ESRRB: variants seen among roughly 807,000 people sequenced by gnomAD.
ESRRB encodes steroid hormone receptor ERR2.
A neutral mutation model predicts 46.0 loss-of-function variants in ESRRB; 16 were observed. The ratio of observed to expected loss-of-function variants is 0.35; its 90% CI spans 0.24 to 0.53. The LOEUF is 0.53. Ranked by LOEUF, ESRRB falls within the 20% of genes least tolerant of loss-of-function variation. The probability of loss-of-function intolerance (pLI) is 0.93; values close to 1 mark genes in which losing one functional copy is unlikely to be tolerated. For synonymous variants in ESRRB, 246 were observed against 259.6 expected, an observed-to-expected ratio of 0.95 and a Z score of 0.50; for missense variants, 488 against 607.4, an observed-to-expected ratio of 0.80 and a Z score of 2.07.
At chr14:76,488,201 C>A (rs1040910120) in intron 5 of ESRRB, among the ~76,000 whole-genome samples, 1 of 152,174 alleles carries the variant, frequency 6.6e-6, no homozygotes, top group Non-Finnish European at 1.5e-5. Flanking sequence ...AATATCTCCC[C>A]CTCCCTTCCT....
At chr14:76,330,036 C>T (rs1317747419) in intron 1 of ESRRB, among the ~76,000 whole-genome samples, 3 of 151,416 alleles carry the variant, frequency 2.0e-5, no homozygotes, top group Non-Finnish European at 2.9e-5. Flanking sequence ...GGTCTGGGGC[C>T]AAGGGGTAGG....
At chr14:76,469,929 G>GTTTTTTTTTTTTTTGTTTTTTTTTT (rs769935944) in intron 3 of ESRRB, among the ~76,000 whole-genome samples, 6 of 78,738 alleles carry the variant, frequency 7.6e-5, no homozygotes, top group South Asian at 9.8e-4. Context: ...GTTTTTTGTT[G>GTTTTTTTTTTTTTTGTTTTTTTTTT]TTTTTTTTTT....
In ESRRB at chr14:76,500,798, C is replaced by A; in HGVS notation, c.*2340C>A. ...CTGGATCTAGTGTTGCTGCGAGTGA[C>A]CTCACTTCAGAGCCCCTCTAGCAGA... On this transcript the variant is annotated 3_prime_UTR_variant, in exon 7 of 7. Transcript: ENST00000644823. 6.5e-7 allele frequency: 1 copy of A among 1,531,048 alleles called. No individual in the cohort carries two copies. The highest frequency in any genetic ancestry group is 9.1e-7 in the Non-Finnish European group (1 of 1,104,376). The allele number at this position is 1,531,048 out of a possible 1,614,324, so 94.8% of individuals were successfully genotyped here.
At chr14:76,468,415 C>CT (rs1889218296) in intron 3 of ESRRB, among the ~76,000 whole-genome samples, 1 of 133,430 alleles carries the variant, frequency 7.5e-6, no homozygotes, top group African/African-American at 2.7e-5. Context: ...CCACCACCCC[C>CT]CAAACACGCA....
intron 2 of ESRRB, among the ~76,000 whole-genome samples, chr14:76,448,525 G>A (rs1385939272): frequency 2.0e-5 from 3 of 150,152 alleles, no homozygotes; most frequent in South Asian, 2.1e-4. Flanking sequence ...TAGTAGAGAC[G>A]GGGTTTCACC....
At chr14:76,351,061 T>C (rs1566858088) in intron 1 of ESRRB, among the ~76,000 whole-genome samples, 4 of 152,178 alleles carry the variant, frequency 2.6e-5, no homozygotes, top group African/African-American at 7.2e-5. Flanking sequence ...GTAGATGTCA[T>C]TGAGGCCGGT....
intron 3 of ESRRB, among the ~76,000 whole-genome samples, chr14:76,463,789 A>G (rs1415150070): frequency 6.6e-6 from 1 of 151,998 alleles, no homozygotes; most frequent in South Asian, 2.1e-4. Flanking sequence ...AAAATTTGAA[A>G]TGACACGTAG....
intron 2 of ESRRB, among the ~76,000 whole-genome samples, chr14:76,449,643 T>C (rs559845191): frequency 6.6e-6 from 1 of 152,274 alleles, no homozygotes; most frequent in African/African-American, 2.4e-5. Flanking sequence ...CTTAGGACCA[T>C]GTGTCTTCCC....
intron 1 of ESRRB, among the ~76,000 whole-genome samples, chr14:76,408,170 G>A (rs1415412693): frequency 6.6e-6 from 1 of 152,188 alleles, no homozygotes; most frequent in Non-Finnish European, 1.5e-5. Flanking sequence ...CAGGCTATCT[G>A]GCCCCACTCA....
chr14:76,477,647 T>C (rs1044834758), intron 3 of ESRRB, among the ~76,000 whole-genome samples: 1 of 152,188 alleles, frequency 6.6e-6, no homozygotes, highest in African/African-American at 2.4e-5. Flanking sequence ...GGGCTGTGCT[T>C]AGGGCAGGCT....
Position 76,499,115 on chromosome 14 carries a change from G to A in ESRRB, c.*657G>A, listed in dbSNP as rs1022208536. 1 of 330,468 alleles carries A rather than the reference G, an allele frequency of 3.0e-6. No homozygotes were observed. Among genetic ancestry groups the A allele is most frequent in the African/African-American group, 2.2e-5 (1 of 46,022 alleles). 20.5% of individuals were successfully genotyped at this position (330,468 alleles called of 1,614,324 possible). On this transcript the variant is annotated 3_prime_UTR_variant, in exon 7 of 7. Coordinates refer to ENST00000644823, the MANE Select transcript of ESRRB (RefSeq NM_001379180.1). Reference sequence around the variant, plus strand: ...CCTACCCCCCTGCCTGTCACCCACCGCGCCGGTGTCCACCTGTCCTCCTCC... The same window carrying A: ...CCTACCCCCCTGCCTGTCACCCACCACGCCGGTGTCCACCTGTCCTCCTCC...
At chr14:76,440,297 CATT>C (rs1201996204) in intron 2 of ESRRB, among the ~76,000 whole-genome samples, 3 of 151,944 alleles carry the variant, frequency 2.0e-5, no homozygotes, top group Non-Finnish European at 4.4e-5. Context: ...AAGACCCCAT[CATT>C]ATTATTATTA....
upstream of ESRRB, among the ~76,000 whole-genome samples, chr14:76,372,391 AC>A (rs58239815): frequency 1 from 152,308 of 152,308 alleles, 76,154 homozygotes; most frequent in Non-Finnish European, 1. Context: ...CTCCCAGGAA[AC>A]CCACTGGGGG....
chr14:76,332,103 T>C (rs1215286962), intron 1 of ESRRB, among the ~76,000 whole-genome samples: 2 of 151,906 alleles, frequency 1.3e-5, no homozygotes, highest in Non-Finnish European at 2.9e-5. Flanking sequence ...TGGGAGAATC[T>C]GATGCTACAC....
At chr14:76,412,604 A>G (rs910473958) in intron 1 of ESRRB, among the ~76,000 whole-genome samples, 1 of 152,124 alleles carries the variant, frequency 6.6e-6, no homozygotes, top group Admixed American at 6.6e-5. Flanking sequence ...TCCTCCCCCA[A>G]CAAAGAAGGT....
At chr14:76,333,892 T>G (rs1884094397) in intron 1 of ESRRB, among the ~76,000 whole-genome samples, 1 of 149,966 alleles carries the variant, frequency 6.7e-6, no homozygotes, top group Non-Finnish European at 1.5e-5. Context: ...ACTGTGCAAG[T>G]CTAGAGGTTA....
intron 1 of ESRRB, among the ~76,000 whole-genome samples, chr14:76,325,000 T>A (rs1443105454): frequency 6.8e-6 from 1 of 147,460 alleles, no homozygotes; most frequent in African/African-American, 2.5e-5. Flanking sequence ...AGAGTCTTTC[T>A]GTCACCCAGC....
At chr14:76,443,969 A>G (rs1285464243) in intron 2 of ESRRB, among the ~76,000 whole-genome samples, 1 of 152,220 alleles carries the variant, frequency 6.6e-6, no homozygotes. Flanking sequence ...AGAGGTTTAT[A>G]TTCAGGACAG....
chr14:76,328,633 A>G (rs1412296255), intron 1 of ESRRB, among the ~76,000 whole-genome samples: 1 of 150,896 alleles, frequency 6.6e-6, no homozygotes, highest in Non-Finnish European at 1.5e-5. Flanking sequence ...CTATGCGGCA[A>G]CACCCTGTTT....
Sources: allele counts gnomAD v4.1 joint callset (sites outside exome capture counted in the v4.1 genomes callset), GRCh38; gene constraint gnomAD v4.1.1; transcripts MANE v1.5; gene names NCBI Gene and HGNC (gene_info 2026-07-23, HGNC 2026-07-21).